Variants in PIK3C2G observed in about 807,000 individuals in gnomAD.
PIK3C2G encodes the protein phosphatidylinositol-4-phosphate 3-kinase catalytic subunit type 2 gamma.
In PIK3C2G, 168 loss-of-function variants were observed where a neutral mutation model predicts 181.1. That is an observed-to-expected ratio of 0.93 (90% confidence interval 0.82 to 1.05). The LOEUF (loss-of-function observed/expected upper bound fraction) is 1.05, where lower values mean the gene tolerates loss of function less well. PIK3C2G is among the 50% of genes least tolerant of loss of function. PIK3C2G has a pLI of 0.00. For synonymous variants in PIK3C2G, 573 were observed against 592.2 expected (o/e 0.97, Z 0.47); for missense variants, 1,869 against 1,732.8 (o/e 1.08, Z -1.40).
the PIK3C2G span, chr12:18,705,254 A>T: frequency 1.9e-6 from 3 of 1,614,064 alleles, no homozygotes; most frequent in Non-Finnish European, 2.5e-6. Context: ...GTCTGCCATT[A>T]CTTCTTGTTG....
chr12:18,709,130 G>C, the PIK3C2G span, among the ~76,000 whole-genome samples: 3 of 151,936 alleles, frequency 2.0e-5, no homozygotes, highest in South Asian at 2.1e-4. Flanking sequence ...TTCCCTTTTA[G>C]GGTTTTCATA....
At chr12:18,365,000 C>T (rs1402008230) in intron 12 of PIK3C2G, among the ~76,000 whole-genome samples, 1 of 152,168 alleles carries the variant, frequency 6.6e-6, no homozygotes, top group African/African-American at 2.4e-5. Flanking sequence ...GATTTATTTT[C>T]AACTCACACA....
chr12:18,375,548 C>T (rs1942375294), intron 13 of PIK3C2G, among the ~76,000 whole-genome samples: 1 of 152,128 alleles, frequency 6.6e-6, no homozygotes, highest in East Asian at 1.9e-4. Flanking sequence ...AATTTGCTGC[C>T]TGGCCATGTG....
At chr12:18,526,993 T>G (rs752321684) in intron 24 of PIK3C2G, among the ~76,000 whole-genome samples, 3 of 152,050 alleles carry the variant, frequency 2.0e-5, no homozygotes, top group Non-Finnish European at 4.4e-5. Flanking sequence ...ACTTTGTGGG[T>G]TTTCAGATGA....
At chr12:18,551,809 T>C (rs1944744493) in intron 26 of PIK3C2G, among the ~76,000 whole-genome samples, 1 of 152,122 alleles carries the variant, frequency 6.6e-6, no homozygotes, top group South Asian at 2.1e-4. Flanking sequence ...ACACAGGCCT[T>C]CTACTCTGTT....
At chr12:18,611,850 G>A (rs964961662) in intron 31 of PIK3C2G, among the ~76,000 whole-genome samples, 3 of 152,184 alleles carry the variant, frequency 2.0e-5, no homozygotes, top group Admixed American at 6.6e-5. Flanking sequence ...GAAGTCACCA[G>A]CATCTCTTAC....
chr12:18,371,061 G>T, intron 12 of PIK3C2G, 119 bp from the exon 13 acceptor site: 1 of 732,092 alleles, frequency 1.4e-6, no homozygotes, highest in Non-Finnish European at 2.0e-6. Context: ...AATTTCAAGA[G>T]GCAGCCTCAA....
intron 18 of PIK3C2G, among the ~76,000 whole-genome samples, chr12:18,485,078 GA>G (rs1274409167): frequency 6.6e-6 from 1 of 152,092 alleles, no homozygotes; most frequent in Non-Finnish European, 1.5e-5. Flanking sequence ...TTGACCCACA[GA>G]AAATACACAC....
chr12:18,382,152 AT>A (rs1942884080), intron 14 of PIK3C2G, among the ~76,000 whole-genome samples: 1 of 152,076 alleles, frequency 6.6e-6, no homozygotes, highest in South Asian at 2.1e-4. Context: ...TAGTATACTC[AT>A]TATGGGCATT....
chr12:18,299,723 G>C (rs546732438), intron 5 of PIK3C2G, among the ~76,000 whole-genome samples: 2 of 151,826 alleles, frequency 1.3e-5, no homozygotes, highest in Non-Finnish European at 1.5e-5. Flanking sequence ...TACCTAGTTT[G>C]TTGAGCGTTT....
intron 30 of PIK3C2G, among the ~76,000 whole-genome samples, chr12:18,601,383 TATATTTTCACTCATATG>T (rs1374367322): frequency 2.0e-5 from 3 of 151,972 alleles, no homozygotes; most frequent in Non-Finnish European, 4.4e-5. Flanking sequence ...TTCAACACCA[TATATTTTCACTCATATG>T]TGGAAGCTTA....
chr12:18,670,749 G>C, the PIK3C2G span, among the ~76,000 whole-genome samples: 1 of 152,012 alleles, frequency 6.6e-6, no homozygotes, highest in Non-Finnish European at 1.5e-5. Context: ...TTATCATCCT[G>C]AACTATTTTA....
chr12:18,333,691 A>C (rs1565608095), intron 8 of PIK3C2G, among the ~76,000 whole-genome samples: 1 of 152,188 alleles, frequency 6.6e-6, no homozygotes, highest in East Asian at 1.9e-4. Context: ...AAAATAATTC[A>C]TATTGGCACT....
chr12:18,699,477 G>T, the PIK3C2G span, among the ~76,000 whole-genome samples: 3 of 152,084 alleles, frequency 2.0e-5, no homozygotes, highest in Middle Eastern at 3.4e-3. Flanking sequence ...TTCTAATTCG[G>T]CTCTGCCTCC....
At chr12:18,690,241 G>A in the PIK3C2G span, among the ~76,000 whole-genome samples, 1 of 151,084 alleles carries the variant, frequency 6.6e-6, no homozygotes, top group Non-Finnish European at 1.5e-5. Context: ...TTGTTTCTTT[G>A]AGACGAACTT....
chr12:18,449,244 A>G (rs1368708778), intron 18 of PIK3C2G, among the ~76,000 whole-genome samples: 2 of 151,990 alleles, frequency 1.3e-5, no homozygotes, highest in Admixed American at 6.6e-5. Flanking sequence ...TTTGATCATT[A>G]TAGCTTTGTT....
At chr12:18,713,919 G>A in the PIK3C2G span, 2 of 152,096 alleles carry the variant, frequency 1.3e-5, no homozygotes, top group Admixed American at 1.3e-4. Flanking sequence ...TTAATTTTCA[G>A]TGTTCATACT....
intron 10 of PIK3C2G, among the ~76,000 whole-genome samples, chr12:18,343,699 A>G (rs1179632460): frequency 2.0e-5 from 3 of 152,134 alleles, no homozygotes; most frequent in Non-Finnish European, 4.4e-5. Flanking sequence ...CATTTACTTA[A>G]TTATATTTTG....
intron 24 of PIK3C2G, among the ~76,000 whole-genome samples, chr12:18,515,522 A>G (rs1942482222): frequency 6.6e-6 from 1 of 151,976 alleles, no homozygotes; most frequent in Non-Finnish European, 1.5e-5. Context: ...ATTGCCCATA[A>G]TAGTCTCTTC....
Sources: gnomAD v4.1 joint callset for allele counts (sites outside exome capture counted in the v4.1 genomes callset) on GRCh38, gnomAD v4.1.1 for gene constraint, MANE v1.5 for transcripts, NCBI Gene and HGNC (gene_info 2026-07-23, HGNC 2026-07-21) for gene names.